The following FHIT variants were observed in gnomAD, a reference collection of about 807,000 sequenced individuals.
FHIT encodes the protein bis(5'-adenosyl)-triphosphatase.
Under a neutral mutation model 17.9 loss-of-function variants are expected in FHIT, and 19 were observed. That is an observed-to-expected ratio of 1.06 (90% CI 0.74 to 1.56). The LOEUF (loss-of-function observed/expected upper bound fraction) is 1.56. Among genes scored for constraint, FHIT ranks in the 40% most tolerant of loss-of-function variants. The pLI, the probability that FHIT is intolerant of heterozygous loss-of-function variation, is 0.00. For synonymous variants in FHIT, 81 were observed against 69.7 expected (o/e 1.16, Z -0.81); for missense variants, 248 against 189.2 (o/e 1.31, Z -1.82).
chr3:60,635,982 C>T (rs782215689), intron 4 of FHIT, among the ~76,000 whole-genome samples: 2 of 152,154 alleles, frequency 1.3e-5, no homozygotes, highest in Non-Finnish European at 2.9e-5. Flanking sequence ...AACCCCTGCT[C>T]AGGAGAATAG....
In FHIT at chr3:60,356,753, C is replaced by CAAAAAAAAAAAAAAAAAAAA. The variant is rs57588436; in HGVS notation, c.103+180087_103+180106dup. On this transcript the variant is annotated intron_variant, in intron 5 of 9. Coordinates refer to ENST00000492590, the MANE Select transcript of FHIT (RefSeq NM_002012.4). ...CTATTATATAGCAGGAAGACAGAGACAAAAAAAAAAAAAAAAAAAAAAAAA... is the reference window on the plus strand; with the variant it reads ...CTATTATATAGCAGGAAGACAGAGACAAAAAAAAAAAAAAAAAAAAAAAAAAAAAAAAAAAAAAAAAAAAA... Among the ~76,000 whole-genome samples, 23 of 58,672 alleles carry CAAAAAAAAAAAAAAAAAAAA rather than the reference C, an allele frequency of 3.9e-4. 3 individuals carry two copies. Among genetic ancestry groups the CAAAAAAAAAAAAAAAAAAAA allele is most frequent in the South Asian group, 7.3e-4 (1 of 1,376 alleles). 38.5% of individuals were successfully genotyped at this position (58,672 alleles called of 152,430 possible).
intron 7 of FHIT, among the ~76,000 whole-genome samples, chr3:59,957,620 G>C (rs1031779452): frequency 8.5e-5 from 13 of 152,162 alleles, no homozygotes; most frequent in African/African-American, 2.9e-4. Flanking sequence ...TAACATCTCA[G>C]GAGCAAATCT....
At chr3:59,945,537 G>GT (rs1706758175) in intron 7 of FHIT, among the ~76,000 whole-genome samples, 1 of 143,854 alleles carries the variant, frequency 7.0e-6, no homozygotes. Flanking sequence ...GGTTCCATTT[G>GT]TCTTTTTTTT....
chr3:60,034,415 T>C (rs1014262389), intron 5 of FHIT, among the ~76,000 whole-genome samples: 1 of 152,214 alleles, frequency 6.6e-6, no homozygotes, highest in Non-Finnish European at 1.5e-5. Flanking sequence ...TAATTATCTG[T>C]AGGCAAGAAG....
Position 61,040,722 on chromosome 3 carries a change from G to A in FHIT, c.-111+1325C>T, listed in dbSNP as rs555882982. Among the ~76,000 whole-genome samples, 4 of 152,240 alleles carry A rather than the reference G, an allele frequency of 2.6e-5. No homozygotes were observed. The East Asian group carries it at 7.7e-4, about 29-fold the overall frequency. On this transcript the variant is annotated intron_variant, in intron 3 of 9. Coordinates refer to ENST00000492590, the MANE Select transcript of FHIT (RefSeq NM_002012.4). ...ATTAAACATTTGCACATGAAGCATG[G>A]GTATATGCTAGCAGAAGAACACTTT... is the stretch of plus-strand genomic sequence containing the variant.
intron 8 of FHIT, among the ~76,000 whole-genome samples, chr3:59,874,238 T>C (rs1168350070): frequency 6.6e-6 from 1 of 152,202 alleles, no homozygotes; most frequent in Non-Finnish European, 1.5e-5. Context: ...TCGATCCAAC[T>C]TCTTCTCTGG....
At chr3:59,893,609 T>G (rs1332827014) in intron 8 of FHIT, among the ~76,000 whole-genome samples, 1 of 152,202 alleles carries the variant, frequency 6.6e-6, no homozygotes, top group East Asian at 1.9e-4. Context: ...TCTAACTGCC[T>G]TTGTAAAAGG....
intron 1 of FHIT, among the ~76,000 whole-genome samples, chr3:61,238,958 C>G (rs2040298833): frequency 6.6e-6 from 1 of 152,130 alleles, no homozygotes; most frequent in Non-Finnish European, 1.5e-5. Flanking sequence ...TGATCAGAAC[C>G]TAGTGAAGGA....
At chr3:60,293,809 G>C (rs1015047142) in intron 5 of FHIT, among the ~76,000 whole-genome samples, 1 of 151,974 alleles carries the variant, frequency 6.6e-6, no homozygotes, top group African/African-American at 2.4e-5. Context: ...TTAGAAATTG[G>C]GCTTTCAAAT....
At chr3:59,830,587 C>T (rs1470864591) in intron 8 of FHIT, among the ~76,000 whole-genome samples, 2 of 152,216 alleles carry the variant, frequency 1.3e-5, no homozygotes, top group Non-Finnish European at 2.9e-5. Flanking sequence ...ACAGGCCTAA[C>T]ATTAATCATT....
At chr3:60,524,637 G>C (rs911742837) in intron 5 of FHIT, among the ~76,000 whole-genome samples, 11 of 152,180 alleles carry the variant, frequency 7.2e-5, no homozygotes, top group Admixed American at 3.9e-4. Context: ...TGGCATCCAG[G>C]TGTCAGCAGG....
At chr3:60,822,368 A>G (rs1415911114) in intron 3 of FHIT, among the ~76,000 whole-genome samples, 9 of 152,148 alleles carry the variant, frequency 5.9e-5, no homozygotes, top group African/African-American at 1.9e-4. Context: ...TTGCAAAAAG[A>G]TGAGGCTGAC....
chr3:61,041,118 C>T (rs1235214156), intron 3 of FHIT, among the ~76,000 whole-genome samples: 6 of 152,148 alleles, frequency 3.9e-5, no homozygotes, highest in African/African-American at 1.2e-4. Context: ...CGGTGGCTCA[C>T]ACCTGTAATC....
chr3:60,152,179 T>C (rs569403316), intron 5 of FHIT, among the ~76,000 whole-genome samples: 9 of 152,268 alleles, frequency 5.9e-5, no homozygotes, highest in Admixed American at 2.0e-4. Context: ...TGATAATCAA[T>C]GAATGGCAAG....
intron 4 of FHIT, among the ~76,000 whole-genome samples, chr3:60,774,610 T>G (rs72884529): frequency 0.012 from 1,803 of 152,252 alleles, 39 homozygotes; most frequent in African/African-American, 0.041. Flanking sequence ...AAAATTTAAT[T>G]TATAAATTAG....
chr3:60,584,105 G>C (rs1553660749), intron 4 of FHIT, among the ~76,000 whole-genome samples: 1 of 151,974 alleles, frequency 6.6e-6, no homozygotes, highest in African/African-American at 2.4e-5. Flanking sequence ...GAATGACCAG[G>C]ACCTAAGAAA....
intron 4 of FHIT, among the ~76,000 whole-genome samples, chr3:60,740,581 T>A (rs1485020012): frequency 5.3e-5 from 8 of 152,210 alleles, no homozygotes; most frequent in African/African-American, 1.9e-4. Context: ...CAATCATCTT[T>A]AAGTCTACAG....
At chr3:60,904,937 T>TAAAAAAAAAAAAAAA (rs34683848) in intron 3 of FHIT, among the ~76,000 whole-genome samples, 1 of 132,428 alleles carries the variant, frequency 7.6e-6, no homozygotes, top group African/African-American at 2.9e-5. Flanking sequence ...AGACTTGGTC[T>TAAAAAAAAAAAAAAA]AAAAAAAAAA....
chr3:60,300,909 C>G (rs1393845893), intron 5 of FHIT, among the ~76,000 whole-genome samples: 1 of 152,036 alleles, frequency 6.6e-6, no homozygotes, highest in African/African-American at 2.4e-5. Context: ...AGATCCAGCC[C>G]CCATTCTCTT....
Sources: allele counts gnomAD v4.1 joint callset (sites outside exome capture counted in the v4.1 genomes callset), GRCh38; gene constraint gnomAD v4.1.1; transcripts MANE v1.5; gene names NCBI Gene and HGNC (gene_info 2026-07-23, HGNC 2026-07-21).